Variants in KHDC1 observed in about 807,000 individuals in gnomAD.
The protein encoded by KHDC1 is KH homology domain-containing protein 1.
KHDC1 carries 21 observed loss-of-function variants against 24.7 expected under a neutral mutation model. The observed-to-expected ratio is 0.85, with a 90% CI of 0.60 to 1.23. The LOEUF is 1.23. Ranked by LOEUF, KHDC1 falls within the 50% of genes most tolerant of loss-of-function variation. The probability of loss-of-function intolerance (pLI) is 0.00; values close to 1 mark genes in which losing one functional copy is unlikely to be tolerated. For synonymous variants in KHDC1, 98 were observed against 111.7 expected, an observed-to-expected ratio of 0.88 and a Z score of 0.77; for missense variants, 274 against 298.5, an observed-to-expected ratio of 0.92 and a Z score of 0.61.
At chr6:73,268,397 C>G (rs983790643) in intron 2 of KHDC1, 1 of 152,940 alleles carries the variant, frequency 6.5e-6, no homozygotes. Flanking sequence ...TAAGCAGCAG[C>G]AAGATTTATT....
At chr6:73,251,946 C>T (rs1766784538) in intron 2 of KHDC1, among the ~76,000 whole-genome samples, 1 of 151,760 alleles carries the variant, frequency 6.6e-6, no homozygotes, top group Admixed American at 6.6e-5. Flanking sequence ...TGATCTTGAA[C>T]TCCTGGGGTC....
chr6:73,241,461 T>G (rs1766563512), exon 5 of KHDC1: 1 of 1,492,492 alleles, frequency 6.7e-7, no homozygotes, highest in Non-Finnish European at 9.3e-7. Flanking sequence ...CTATCATGTC[T>G]TTCTCACCAA....
At chr6:73,309,709 C>T (rs1353220548) in exon 1 of KHDC1, 54 of 1,550,102 alleles carry the variant, frequency 3.5e-5, no homozygotes, top group Non-Finnish European at 4.6e-5. Context: ...GGAAGGCCGA[C>T]AGCATTTCGC....
chr6:73,250,935 G>A (rs937775775), intron 2 of KHDC1, among the ~76,000 whole-genome samples: 8 of 152,116 alleles, frequency 5.3e-5, no homozygotes, highest in African/African-American at 1.9e-4. Context: ...CACCTCCCGG[G>A]TTCAAGGAAT....
In KHDC1 at chr6:73,288,179, C is replaced by T. The variant is rs139633996; in HGVS notation, c.206+3819G>A. Among the ~76,000 whole-genome samples the T allele has an allele frequency of 1.3e-3, 203 of 152,336 alleles. 1 individual carries two copies. Among genetic ancestry groups the T allele is most frequent in the Middle Eastern group, 6.8e-3 (2 of 294 alleles). On this transcript the variant is annotated intron_variant, in intron 2 of 4. Coordinates refer to ENST00000370384, the Ensembl canonical transcript of KHDC1. The stretch of plus-strand genomic sequence containing the variant: ...AGACGGCAGTGAACTGCTGCAGACT[C>T]AACCAAGTGGTGGCACTAATTGCAG...
intron 1 of KHDC1, among the ~76,000 whole-genome samples, chr6:73,307,210 A>G (rs1202041739): frequency 6.6e-6 from 1 of 152,036 alleles, no homozygotes; most frequent in East Asian, 1.9e-4. Context: ...CGGGTGGATC[A>G]CGAGGTTAGG....
At chr6:73,309,805 AC>A in exon 1 of KHDC1, 1 of 1,434,678 alleles carries the variant, frequency 7.0e-7, no homozygotes, top group Non-Finnish European at 9.3e-7. Flanking sequence ...GCGGGAAGAG[AC>A]CAGACACCGA....
chr6:73,242,229 C>T (rs755951762), exon 4 of KHDC1: 1 of 1,612,844 alleles, frequency 6.2e-7, no homozygotes, highest in South Asian at 1.1e-5. Flanking sequence ...AGGTATGTGT[C>T]ACCATGCCCT....
chr6:73,255,344 C>T (rs1766862519), intron 2 of KHDC1, among the ~76,000 whole-genome samples: 1 of 150,140 alleles, frequency 6.7e-6, no homozygotes, highest in African/African-American at 2.4e-5. Context: ...CTCAGTCTCC[C>T]GAGTAGCTGG....
chr6:73,268,563 A>T (rs13212903), intron 2 of KHDC1: 41,985 of 151,892 alleles, frequency 0.28, 6,427 homozygotes, highest in African/African-American at 0.41. Flanking sequence ...AGGGCGCTGA[A>T]TGGTGCGTTT....
chr6:73,263,337 C>G (rs564276382), intron 2 of KHDC1, 141 bp from the exon 1 acceptor site: 25 of 959,194 alleles, frequency 2.6e-5, no homozygotes, highest in Non-Finnish European at 3.1e-5. Context: ...GTCCAGGAAG[C>G]AAGGGTGGGA....
chr6:73,309,876 A>G, exon 1 of KHDC1: 1 of 750,786 alleles, frequency 1.3e-6, no homozygotes. Context: ...GTCAACCCAG[A>G]CTGGACCAAT....
intron 2 of KHDC1, among the ~76,000 whole-genome samples, chr6:73,258,560 T>C (rs896505206): frequency 5.3e-5 from 8 of 152,202 alleles, no homozygotes; most frequent in African/African-American, 1.7e-4. Flanking sequence ...AAAGTGAACG[T>C]TGAGTCTCTG....
intron 1 of KHDC1, among the ~76,000 whole-genome samples, chr6:73,302,516 TA>T (rs1167209290): frequency 2.0e-5 from 3 of 152,200 alleles, no homozygotes; most frequent in Non-Finnish European, 4.4e-5. Context: ...TGGCATATTA[TA>T]CAACTGAATC....
chr6:73,287,147 C>A (rs1387029616), intron 2 of KHDC1, among the ~76,000 whole-genome samples: 1 of 152,100 alleles, frequency 6.6e-6, no homozygotes, highest in Non-Finnish European at 1.5e-5. Context: ...CTTACCAAAG[C>A]AATAAGAAAT....
At chr6:73,271,317 T>G (rs556134646) in intron 2 of KHDC1, among the ~76,000 whole-genome samples, 1 of 151,316 alleles carries the variant, frequency 6.6e-6, no homozygotes, top group South Asian at 2.1e-4. Flanking sequence ...TCCAAGTGAT[T>G]TTCTGCCTCA....
chr6:73,291,507 G>T (rs562187832), intron 2 of KHDC1, among the ~76,000 whole-genome samples: 7 of 151,198 alleles, frequency 4.6e-5, no homozygotes, highest in East Asian at 3.9e-4. Context: ...TTAATTCTTC[G>T]TAGAGATAGA....
At chr6:73,252,694 G>C (rs934950671) in intron 2 of KHDC1, among the ~76,000 whole-genome samples, 1 of 152,052 alleles carries the variant, frequency 6.6e-6, no homozygotes, top group Admixed American at 6.6e-5. Flanking sequence ...GCTCACGCCT[G>C]TAGTCCCAGC....
At chr6:73,256,199 A>G (rs1353080795) in intron 2 of KHDC1, among the ~76,000 whole-genome samples, 1 of 152,182 alleles carries the variant, frequency 6.6e-6, no homozygotes, top group Non-Finnish European at 1.5e-5. Context: ...CATTAAAAAG[A>G]CTTTCATTCA....
Sources: allele counts gnomAD v4.1 joint callset (sites outside exome capture counted in the v4.1 genomes callset), GRCh38; gene constraint gnomAD v4.1.1; transcripts MANE v1.5; gene names NCBI Gene and HGNC (gene_info 2026-07-23, HGNC 2026-07-21).